PCOLCE2: variants seen among roughly 807,000 people sequenced by gnomAD.
PCOLCE2 encodes the protein procollagen C-proteinase enhancer 2.
Under a neutral mutation model 47.0 loss-of-function variants are expected in PCOLCE2, and 42 were observed. The ratio of observed to expected loss-of-function variants is 0.89; its 90% confidence interval spans 0.70 to 1.16. The LOEUF (loss-of-function observed/expected upper bound fraction) is 1.16, where lower values mean the gene tolerates loss of function less well. Ranked by LOEUF, PCOLCE2 falls within the 50% of genes most tolerant of loss-of-function variation. The pLI is 0.00. For synonymous variants in PCOLCE2, 169 were observed against 191.7 expected, an observed-to-expected ratio of 0.88 and a Z score of 0.98; for missense variants, 500 against 526.1, an observed-to-expected ratio of 0.95 and a Z score of 0.49.
intron 2 of PCOLCE2, among the ~76,000 whole-genome samples, chr3:142,861,150 C>T (rs780507242): frequency 1.1e-4 from 17 of 152,204 alleles, no homozygotes; most frequent in African/African-American, 1.9e-4. Flanking sequence ...TTTCTCAGAA[C>T]GCTAAAGGCT....
chr3:142,842,997 G>T lies in PCOLCE2; in HGVS notation c.500C>A (p.Thr167Asn), dbSNP rs1560133743. 1.2e-6 allele frequency: 2 copies of T among 1,613,614 alleles called. No homozygotes were observed. The highest frequency in any genetic ancestry group is 2.2e-5 in the East Asian group (1 of 44,882). Residue 167 changes from threonine to asparagine, a missense_variant, in exon 4 of 9, where the codon ACC (threonine) becomes AAC (asparagine). Physicochemically the swap from Thr to Asn is moderately conservative, Grantham distance 65. Coordinates refer to ENST00000295992, the MANE Select transcript of PCOLCE2 (RefSeq NM_013363.4). This position sits in a 1 kb window ranked among gnomAD's most constrained non-coding sequence, Gnocchi z 4.1. ...LLDRPSGSFK[T>N]PNWPDRDYPA... ...GTAATCCCGGTCTGGCCAGTTGGGG[G>T]TTTTAAAAGAGCCGGAAGGTCTGTC...
intron 2 of PCOLCE2, among the ~76,000 whole-genome samples, chr3:142,863,679 T>C (rs938794770): frequency 6.6e-6 from 1 of 152,122 alleles, no homozygotes; most frequent in Non-Finnish European, 1.5e-5. Flanking sequence ...CTTGGGATGG[T>C]GGTTAGGTGC....
intron 7 of PCOLCE2, among the ~76,000 whole-genome samples, chr3:142,821,916 G>T (rs2707976): frequency 0.1 from 15,570 of 151,326 alleles, 918 homozygotes; most frequent in Middle Eastern, 0.15. Flanking sequence ...GTTTTTTTTT[G>T]TTGTTGTTGT....
intron 8 of PCOLCE2, among the ~76,000 whole-genome samples, chr3:142,819,032 A>C (rs1379519205): frequency 6.6e-6 from 1 of 152,240 alleles, no homozygotes; most frequent in Non-Finnish European, 1.5e-5. Context: ...TTTGGCAACC[A>C]ATGATCCACT....
chr3:142,880,948 A>G (rs993046098), intron 2 of PCOLCE2, among the ~76,000 whole-genome samples: 3 of 152,240 alleles, frequency 2.0e-5, no homozygotes, highest in African/African-American at 7.2e-5. Context: ...TAAGATCTTC[A>G]ATAATTTTTA....
intron 2 of PCOLCE2, among the ~76,000 whole-genome samples, chr3:142,862,651 G>C (rs56127962): frequency 0.063 from 9,512 of 152,148 alleles, 322 homozygotes; most frequent in African/African-American, 0.081. Flanking sequence ...AGGTTATCTA[G>C]AAGACAATGT....
At chr3:142,822,832 T>G (rs1937030069) in intron 7 of PCOLCE2, among the ~76,000 whole-genome samples, 2 of 152,304 alleles carry the variant, frequency 1.3e-5, no homozygotes, top group South Asian at 4.1e-4. Context: ...TGGGGAAGTT[T>G]TGTTTGGGGA....
At chr3:142,821,368 C>T (rs1018937678) in intron 7 of PCOLCE2, among the ~76,000 whole-genome samples, 4 of 152,136 alleles carry the variant, frequency 2.6e-5, no homozygotes, top group African/African-American at 9.7e-5. Flanking sequence ...GATAGTCTGG[C>T]TTATGAGGCT....
At chr3:142,873,203 G>A (rs1431190305) in intron 2 of PCOLCE2, among the ~76,000 whole-genome samples, 1 of 151,994 alleles carries the variant, frequency 6.6e-6, no homozygotes, top group South Asian at 2.1e-4. Context: ...AGACCAGCTC[G>A]GCCAACATGG....
intron 2 of PCOLCE2, among the ~76,000 whole-genome samples, chr3:142,882,589 A>ATTATTTTTTTTTTTTTTTTTT (rs1188049251): frequency 6.6e-6 from 1 of 151,640 alleles, no homozygotes; most frequent in African/African-American, 2.4e-5. Flanking sequence ...TTATTATTAT[A>ATTATTTTTTTTTTTTTTTTTT]CTTTAGAGAA....
intron 4 of PCOLCE2, among the ~76,000 whole-genome samples, chr3:142,841,613 A>G (rs1421902563): frequency 1.3e-5 from 2 of 152,174 alleles, no homozygotes; most frequent in Non-Finnish European, 2.9e-5. Context: ...ATAAATGGCC[A>G]TATATTTCTT....
intron 6 of PCOLCE2, among the ~76,000 whole-genome samples, chr3:142,825,490 T>C (rs1937066191): frequency 6.6e-6 from 1 of 152,166 alleles, no homozygotes; most frequent in Non-Finnish European, 1.5e-5. Flanking sequence ...TGGCCTCATC[T>C]TCACCAGGGA....
chr3:142,863,493 C>T (rs1933221658), intron 2 of PCOLCE2, among the ~76,000 whole-genome samples: 1 of 152,172 alleles, frequency 6.6e-6, no homozygotes, highest in Non-Finnish European at 1.5e-5. Context: ...GACATTTGAT[C>T]AGATAGATGG....
chr3:142,857,288 G>C (rs1933081714), intron 2 of PCOLCE2, among the ~76,000 whole-genome samples: 1 of 152,224 alleles, frequency 6.6e-6, no homozygotes, highest in African/African-American at 2.4e-5. Flanking sequence ...TGTTTCATGT[G>C]ATCAGTGTGT....
Position 142,829,734 on chromosome 3 carries a change from T to C in PCOLCE2, c.823A>G (p.Thr275Ala), listed in dbSNP as rs760630119. ...YIFRPKKLPT[T>A]TEQPVTTTFP... ...GTGGTGGTGACAGGCTGTTCTGTAG[T>C]TGTAGGCAGTTTTTTTGGCCTGAAT... The change falls in exon 6 of 9, where the codon ACT (threonine) becomes GCT (alanine). Residue 275 changes from threonine (T) to alanine (A), a missense_variant. By Grantham distance (58) the Thr-to-Ala change is moderately conservative (BLOSUM62 0). Transcript: ENST00000295992. 2.5e-6 allele frequency: 4 copies of C among 1,609,430 alleles called. No homozygotes were observed. The highest frequency in any genetic ancestry group is 3.3e-5 in the Admixed American group (2 of 59,782).
intron 5 of PCOLCE2, among the ~76,000 whole-genome samples, chr3:142,833,652 T>C (rs1443789975): frequency 1.3e-5 from 2 of 152,188 alleles, no homozygotes; most frequent in Non-Finnish European, 2.9e-5. Context: ...AGAACATTCT[T>C]GTATATGTCT....
chr3:142,829,210 T>G (rs1382931450), intron 6 of PCOLCE2, among the ~76,000 whole-genome samples: 1 of 148,620 alleles, frequency 6.7e-6, no homozygotes, highest in Non-Finnish European at 1.5e-5. Context: ...TATTGTTGTT[T>G]AATTTACTCC....
chr3:142,871,987 A>G (rs977836190), intron 2 of PCOLCE2, among the ~76,000 whole-genome samples: 2 of 151,664 alleles, frequency 1.3e-5, no homozygotes, highest in Admixed American at 1.3e-4. Context: ...TCCCATCTTC[A>G]CCCTACTCTT....
chr3:142,844,346 A>G (rs1371763577), intron 3 of PCOLCE2, among the ~76,000 whole-genome samples: 1 of 152,206 alleles, frequency 6.6e-6, no homozygotes, highest in Non-Finnish European at 1.5e-5. Context: ...AGTCTGGACT[A>G]TTGTGAATGA....
Sources: allele counts gnomAD v4.1 joint callset (sites outside exome capture counted in the v4.1 genomes callset), GRCh38; gene constraint gnomAD v4.1.1; non-coding constraint Gnocchi (gnomAD v3.1); transcripts MANE v1.5; gene names NCBI Gene and HGNC (gene_info 2026-07-23, HGNC 2026-07-21).